The following NTNG1 variants were observed in gnomAD, a reference collection of about 807,000 sequenced individuals.
NTNG1 encodes the protein netrin G1.
Under a neutral mutation model 54.0 loss-of-function variants are expected in NTNG1, and 16 were observed. The ratio of observed to expected loss-of-function variants is 0.30; its 90% CI spans 0.20 to 0.45. The LOEUF (loss-of-function observed/expected upper bound fraction) is 0.45. Ranked by LOEUF, NTNG1 falls within the 20% of genes least tolerant of loss-of-function variation. The probability of loss-of-function intolerance (pLI) is 1.00; values close to 1 mark genes in which losing one functional copy is unlikely to be tolerated. For missense variants in NTNG1, 530 were observed against 678.7 expected, an observed-to-expected ratio of 0.78 and a Z score of 2.43; for synonymous variants, 255 against 263.1, an observed-to-expected ratio of 0.97 and a Z score of 0.30.
At chr1:107,143,372 G>A (rs1292504678) in intron 1 of NTNG1, 1 of 152,038 alleles carries the variant, frequency 6.6e-6, no homozygotes, top group Admixed American at 6.6e-5. Context: ...TGCAAGTGGT[G>A]CAAATACCTA....
chr1:107,233,056 A>T (rs1294107673), intron 2 of NTNG1, among the ~76,000 whole-genome samples: 1 of 152,192 alleles, frequency 6.6e-6, no homozygotes, highest in Non-Finnish European at 1.5e-5. Flanking sequence ...AACATGTTCT[A>T]CTTTTGTTTC....
At chr1:107,362,029 G>A (rs1176611498) in intron 3 of NTNG1, among the ~76,000 whole-genome samples, 3 of 152,060 alleles carry the variant, frequency 2.0e-5, no homozygotes, top group East Asian at 3.9e-4. Flanking sequence ...TGCAGAAAGC[G>A]TGAAGCTCAT....
chr1:107,404,286 AG>A (rs1299860640), intron 4 of NTNG1, among the ~76,000 whole-genome samples: 1 of 152,128 alleles, frequency 6.6e-6, no homozygotes, highest in Non-Finnish European at 1.5e-5. Flanking sequence ...GAAAGAAAAT[AG>A]GCCAAACATT....
At chr1:107,233,943 T>A (rs749763435) in intron 2 of NTNG1, among the ~76,000 whole-genome samples, 1 of 152,186 alleles carries the variant, frequency 6.6e-6, no homozygotes, top group African/African-American at 2.4e-5. Flanking sequence ...TTGCATTAGA[T>A]CGAGGGGCGG....
chr1:107,317,069 A>T (rs1248161723), intron 2 of NTNG1, among the ~76,000 whole-genome samples: 1 of 152,206 alleles, frequency 6.6e-6, no homozygotes, highest in Middle Eastern at 3.2e-3. Flanking sequence ...AATGGACTTC[A>T]AAGAGGTCTT....
At chr1:107,432,715 C>G (rs1209304938) in intron 6 of NTNG1, among the ~76,000 whole-genome samples, 6 of 152,018 alleles carry the variant, frequency 3.9e-5, no homozygotes, top group African/African-American at 1.2e-4. Context: ...ACCATTTTTA[C>G]ATAAGATTAA....
chr1:107,416,043 T>C (rs1674175909), intron 5 of NTNG1, among the ~76,000 whole-genome samples: 1 of 152,180 alleles, frequency 6.6e-6, no homozygotes, highest in South Asian at 2.1e-4. Flanking sequence ...AAAATTAAGA[T>C]GAGATATTAA....
Position 107,424,925 on chromosome 1 carries a change from G to C in NTNG1, c.1088-5825G>C, listed in dbSNP as rs1008223292. Among the ~76,000 whole-genome samples, 71 of 152,064 alleles carry C rather than the reference G, an allele frequency of 4.7e-4. 1 individual carries two copies. The highest frequency in any genetic ancestry group is 3.9e-3 in the Admixed American group (60 of 15,260). ...GAATGTAGAGAACAAAGAGGTCCAAGGATTAAACCTTGAGACATTTGAAGA... is the reference window on the plus strand; with the variant it reads ...GAATGTAGAGAACAAAGAGGTCCAACGATTAAACCTTGAGACATTTGAAGA... On this transcript the variant is annotated intron_variant, in intron 5 of 7. Coordinates refer to ENST00000370068, the MANE Select transcript of NTNG1 (RefSeq NM_001113226.3).
chr1:107,421,203 C>T (rs1184960844), intron 5 of NTNG1: 2 of 1,157,108 alleles, frequency 1.7e-6, no homozygotes, highest in African/African-American at 3.0e-5. Flanking sequence ...AAACATTGCA[C>T]TGTATGAATC....
intron 2 of NTNG1, among the ~76,000 whole-genome samples, chr1:107,223,335 C>A (rs1660474311): frequency 6.6e-6 from 1 of 151,616 alleles, no homozygotes; most frequent in Non-Finnish European, 1.5e-5. Flanking sequence ...ACATGGTATC[C>A]CATGTGGTAT....
intron 2 of NTNG1, among the ~76,000 whole-genome samples, chr1:107,228,413 T>A (rs1335426118): frequency 1.3e-5 from 2 of 152,164 alleles, no homozygotes; most frequent in African/African-American, 4.8e-5. Flanking sequence ...AAGATTCCAA[T>A]TTAGGTTTTA....
At chr1:107,454,531 C>T (rs2101504596) in intron 7 of NTNG1, among the ~76,000 whole-genome samples, 1 of 151,992 alleles carries the variant, frequency 6.6e-6, no homozygotes, top group East Asian at 2.0e-4. Flanking sequence ...AGCCAAATAT[C>T]CTGTGTCTTT....
intron 2 of NTNG1, among the ~76,000 whole-genome samples, chr1:107,238,696 C>A (rs917693572): frequency 6.6e-6 from 1 of 151,950 alleles, no homozygotes; most frequent in African/African-American, 2.4e-5. Flanking sequence ...CTTTTTTTGC[C>A]TGCTGCCATC....
At chr1:107,366,549 G>A (rs1670604061) in intron 3 of NTNG1, among the ~76,000 whole-genome samples, 1 of 152,186 alleles carries the variant, frequency 6.6e-6, no homozygotes, top group Non-Finnish European at 1.5e-5. Context: ...TTGGGTTATA[G>A]CTCTGTAGAC....
At chr1:107,158,951 T>C (rs554017583) in intron 2 of NTNG1, among the ~76,000 whole-genome samples, 16 of 152,258 alleles carry the variant, frequency 1.1e-4, no homozygotes, top group African/African-American at 3.4e-4. Flanking sequence ...GAGCTGAGAT[T>C]TGTAGGTCAT....
chr1:107,325,395 C>T (rs1667896769), intron 3 of NTNG1, among the ~76,000 whole-genome samples: 2 of 151,958 alleles, frequency 1.3e-5, no homozygotes. Flanking sequence ...TTTATTAAAT[C>T]AGAATCAATA....
chr1:107,452,241 G>A (rs1676673943), intron 7 of NTNG1, among the ~76,000 whole-genome samples: 1 of 152,076 alleles, frequency 6.6e-6, no homozygotes, highest in Admixed American at 6.6e-5. Flanking sequence ...TGAAGTGCTG[G>A]GAAGGATTTT....
intron 5 of NTNG1, among the ~76,000 whole-genome samples, chr1:107,425,107 G>T (rs1674810923): frequency 6.6e-6 from 1 of 151,956 alleles, no homozygotes; most frequent in Non-Finnish European, 1.5e-5. Context: ...CTTCAAATGA[G>T]ACTTGTTTCT....
chr1:107,265,309 T>C (rs554099162), intron 2 of NTNG1, among the ~76,000 whole-genome samples: 1 of 151,636 alleles, frequency 6.6e-6, no homozygotes, highest in South Asian at 2.1e-4. Context: ...CTCCAGGCTC[T>C]ATAAATTACT....
Sources: gnomAD v4.1 joint callset for allele counts (sites outside exome capture counted in the v4.1 genomes callset) on GRCh38, gnomAD v4.1.1 for gene constraint, MANE v1.5 for transcripts, NCBI Gene and HGNC (gene_info 2026-07-23, HGNC 2026-07-21) for gene names.